The following RNF144B variants were observed in gnomAD, a reference collection of about 807,000 sequenced individuals.
The protein encoded by RNF144B is ring finger protein 144B, also known as E3 ubiquitin-protein ligase RNF144B.
RNF144B carries 25 observed loss-of-function variants against 40.2 expected under a neutral mutation model. That is an observed-to-expected ratio of 0.62 (90% CI 0.45 to 0.87). The LOEUF is 0.87. RNF144B is among the 40% of genes least tolerant of loss of function. RNF144B has a pLI of 0.00. For missense variants in RNF144B, 365 were observed against 373.7 expected (o/e 0.98, Z 0.19); for synonymous variants, 145 against 136.3 (o/e 1.06, Z -0.44).
At chr6:18,433,350 G>A (rs1248649704) in intron 3 of RNF144B, among the ~76,000 whole-genome samples, 1 of 152,208 alleles carries the variant, frequency 6.6e-6, no homozygotes, top group Non-Finnish European at 1.5e-5. Flanking sequence ...CGCCAAGCCA[G>A]AGTTAATAGA....
At chr6:18,392,194 C>G (rs534490391) in intron 1 of RNF144B, among the ~76,000 whole-genome samples, 4 of 151,962 alleles carry the variant, frequency 2.6e-5, no homozygotes, top group African/African-American at 9.6e-5. Context: ...GGCGACAGAG[C>G]GAGACTCCGT....
At chr6:18,462,556 G>A (rs1328026162) in intron 6 of RNF144B, among the ~76,000 whole-genome samples, 2 of 152,034 alleles carry the variant, frequency 1.3e-5, no homozygotes, top group African/African-American at 2.4e-5. Context: ...CATGTACACC[G>A]ATGCCCAGTT....
chr6:18,427,453 T>C, intron 2 of RNF144B, 128 bp from the exon 3 acceptor site: 7 of 589,052 alleles, frequency 1.2e-5, no homozygotes, highest in Non-Finnish European at 2.1e-5. Context: ...TTGTGATAAC[T>C]TATGTTTCTT....
At position 18,439,709 on chromosome 6, in the gene RNF144B, A is replaced by G; in HGVS notation, c.296A>G (p.Gln99Arg). ...AEIACLVPVD[Q>R]FQLYQRLKFE... Reference sequence around the variant, plus strand: ...ATTGCCTGTTTGGTACCTGTGGACCAGTTTCAACTTTATCAGAGGTTAAAA... The same window carrying G: ...ATTGCCTGTTTGGTACCTGTGGACCGGTTTCAACTTTATCAGAGGTTAAAA... The change falls in exon 4 of 8, where the codon CAG (glutamine) becomes CGG (arginine). Residue 99 changes from glutamine (Q) to arginine (R), a missense_variant. Coordinates refer to ENST00000259939, the MANE Select transcript of RNF144B (RefSeq NM_182757.4). 1 of 1,612,830 alleles carries G rather than the reference A, an allele frequency of 6.2e-7. No individual in the cohort carries two copies.
intron 3 of RNF144B, among the ~76,000 whole-genome samples, chr6:18,433,233 G>A (rs1210507876): frequency 6.6e-6 from 1 of 152,172 alleles, no homozygotes; most frequent in Non-Finnish European, 1.5e-5. Flanking sequence ...TTACTGTGGT[G>A]TAAGGATCTG....
rs758185930 is a variant in RNF144B at position 18,457,285 on chromosome 6, G to A, written c.462G>A (p.Ser154=). The part of the protein sequence containing the change: ...ECPSCHLKFC[S]CCKDAWHAEV... ...CTTCTTGCCACCTGAAATTCTGCTC[G>A]TGTTGCAAGGATGCTTGGCATGCAG... Residue 154 remains serine, a synonymous_variant, in exon 5 of 8, where the codon TCG becomes TCA. Coordinates refer to ENST00000259939, the MANE Select transcript of RNF144B (RefSeq NM_182757.4). The surrounding 1 kb of genome is among the most constrained non-coding windows in gnomAD (Gnocchi z 5.1). The A allele has an allele frequency of 1.5e-5, 25 of 1,614,148 alleles. No individual in the cohort carries two copies. The highest frequency in any genetic ancestry group is 2.2e-5 in the East Asian group (1 of 44,880).
rs113541725 is a variant in RNF144B at position 18,446,198 on chromosome 6, A to G, written c.331+6454A>G. Among the ~76,000 whole-genome samples the G allele has an allele frequency of 2.6e-5, 4 of 152,364 alleles. No individual in the cohort carries two copies. Among genetic ancestry groups the G allele is most frequent in the African/African-American group, 7.2e-5 (3 of 41,590 alleles). ...TTCTACTAAACCTGGCCTCTAGGCC[A>G]TGTGTATAATCTGTTACATGAGGTA... On this transcript the variant is annotated intron_variant, in intron 4 of 7. Transcript: ENST00000259939. This position sits in a 1 kb window ranked among gnomAD's most constrained non-coding sequence, Gnocchi z 4.7.
chr6:18,454,352 C>G (rs1014165933), intron 4 of RNF144B, among the ~76,000 whole-genome samples: 1 of 152,124 alleles, frequency 6.6e-6, no homozygotes, highest in Admixed American at 6.5e-5. Flanking sequence ...AAGGAAGGTT[C>G]AAGGGGGTTG....
Position 18,443,419 on chromosome 6 carries a change from C to T in RNF144B, c.331+3675C>T, listed in dbSNP as rs1374628856. Among the ~76,000 whole-genome samples the T allele has an allele frequency of 2.0e-5, 3 of 152,002 alleles. No individual in the cohort carries two copies. The highest frequency in any genetic ancestry group is 2.9e-5 in the Non-Finnish European group (2 of 67,994). On this transcript the variant is annotated intron_variant, in intron 4 of 7. Coordinates refer to ENST00000259939, the MANE Select transcript of RNF144B (RefSeq NM_182757.4). The surrounding 1 kb of genome is among the most constrained non-coding windows in gnomAD (Gnocchi z 4.7). ...ATGGGATTACAGGTGCCTGCCACCA[C>T]ACTTGGCTAATTTCATATTTTAGTA...
chr6:18,396,454 T>G (rs1219187004), intron 1 of RNF144B: 26 of 983,840 alleles, frequency 2.6e-5, no homozygotes, highest in Non-Finnish European at 3.1e-5. Context: ...ATACTTGGAT[T>G]TCTCGAAGAG....
At chr6:18,454,676 C>T (rs561675246) in intron 4 of RNF144B, among the ~76,000 whole-genome samples, 14 of 152,254 alleles carry the variant, frequency 9.2e-5, no homozygotes, top group Middle Eastern at 3.4e-3. Flanking sequence ...AGCTGCACTG[C>T]GCCATAGCTG....
In RNF144B at chr6:18,450,304, G is replaced by T. The variant is rs9371059; in HGVS notation, c.332-6851G>T. Among the ~76,000 whole-genome samples, 1 of 146,362 alleles carries T rather than the reference G, an allele frequency of 6.8e-6. No individual in the cohort carries two copies. Among genetic ancestry groups the T allele is most frequent in the African/African-American group, 2.5e-5 (1 of 40,082 alleles). ...CAACTCTGATTTGTAGTGCTTGCCA[G>T]TTTTTTTTTTTTAGATGGAGTCTTG... On this transcript the variant is annotated intron_variant, in intron 4 of 7. Coordinates refer to ENST00000259939, the MANE Select transcript of RNF144B (RefSeq NM_182757.4). This position sits in a 1 kb window ranked among gnomAD's most constrained non-coding sequence, Gnocchi z 4.7.
intron 4 of RNF144B, among the ~76,000 whole-genome samples, chr6:18,453,474 A>G (rs1759260041): frequency 2.6e-5 from 4 of 151,886 alleles, no homozygotes; most frequent in African/African-American, 2.4e-5. Flanking sequence ...TACACTTAAC[A>G]TTATATCTTA....
intron 6 of RNF144B, among the ~76,000 whole-genome samples, chr6:18,462,318 T>C (rs1759472692): frequency 6.6e-6 from 1 of 152,224 alleles, no homozygotes; most frequent in Non-Finnish European, 1.5e-5. Context: ...CCAATAGTAC[T>C]TGTTTTTAGC....
In RNF144B at chr6:18,422,617, C is replaced by T. The variant is rs142237072; in HGVS notation, c.166-4964C>T. On this transcript the variant is annotated intron_variant, in intron 2 of 7. Transcript: ENST00000259939. The surrounding 1 kb of genome is among the most constrained non-coding windows in gnomAD (Gnocchi z 4.7). ...GACAAGTCCTCCTTTGACCACAGGA[C>T]CCCAGCGCCTGCATCCAGAAGCATC... Among the ~76,000 whole-genome samples the T allele has an allele frequency of 1.9e-3, 289 of 152,256 alleles. No individual in the cohort carries two copies. Among genetic ancestry groups the T allele is most frequent in the African/African-American group, 6.8e-3 (282 of 41,554 alleles).
At position 18,399,626 on chromosome 6, in the gene RNF144B, A is replaced by C. The variant is rs1371675887; in HGVS notation, c.92A>C (p.Lys31Thr). Residue 31 changes from lysine (K) to threonine (T), a missense_variant, in exon 2 of 8, where the codon AAA (lysine) becomes ACA (threonine). By Grantham distance (78) the Lys-to-Thr change is moderately conservative (BLOSUM62 -1). Coordinates refer to ENST00000259939, the MANE Select transcript of RNF144B (RefSeq NM_182757.4). ...DLAPAPLITC[K>T]LCLCEQSLDK... is the part of the protein sequence containing the mutation. ...GCTCCGGCCCCCCTCATCACTTGCA[A>C]ACTCTGCCTGTGTGAGCAGTCTCTG... 7 of 1,613,992 alleles carry C rather than the reference A, an allele frequency of 4.3e-6. No homozygotes were observed. The highest frequency in any genetic ancestry group is 5.9e-6 in the Non-Finnish European group (7 of 1,180,014).
chr6:18,463,468 C>T lies in RNF144B; in HGVS notation c.771+88C>T, dbSNP rs568938177. ...TCTTCGCCTTTCCTCATTATTCCCT[C>T]CTGGGAGGTACCATCCCAGCCTGGG... On this transcript the variant is annotated intron_variant, in intron 7 of 7. Coordinates refer to ENST00000259939, the MANE Select transcript of RNF144B (RefSeq NM_182757.4). 1.3e-4 allele frequency: 103 copies of T among 808,600 alleles called. No homozygotes were observed. The African/African-American group carries it at 1.6e-3, about 13-fold the overall frequency. The allele number at this position is 808,600 out of a possible 1,614,324, so 50.1% of individuals were successfully genotyped here.
At position 18,467,110 on chromosome 6, in the gene RNF144B, A is replaced by C. The variant is rs1759586402; in HGVS notation, c.*2043A>C. ...GTAGCCCACTGCCTCATTATAGGTAAAAGGCATTTATAACTGCTCAGGGGA... is the reference window on the plus strand; with the variant it reads ...GTAGCCCACTGCCTCATTATAGGTACAAGGCATTTATAACTGCTCAGGGGA... On this transcript the variant is annotated 3_prime_UTR_variant, in exon 8 of 8. Coordinates refer to ENST00000259939, the MANE Select transcript of RNF144B (RefSeq NM_182757.4). 6.6e-6 allele frequency: 1 copy of C among 152,656 alleles called. No homozygotes were observed. 9.5% of individuals were successfully genotyped at this position (152,656 alleles called of 1,614,324 possible). A position where few individuals can be genotyped will look rare whatever the true frequency, so the allele number is the denominator to read the frequency against.
rs1759622815 is a variant in RNF144B at position 18,468,637 on chromosome 6, TATAG to T, written c.*3572_*3575del. 6.6e-6 allele frequency: 1 copy of T among 152,226 alleles called. No homozygotes were observed. The highest frequency in any genetic ancestry group is 1.9e-4 in the East Asian group (1 of 5,198). The allele number at this position is 152,226 out of a possible 1,614,324, so 9.4% of individuals were successfully genotyped here. A position where few individuals can be genotyped will look rare whatever the true frequency, so the allele number is the denominator to read the frequency against. On this transcript the variant is annotated 3_prime_UTR_variant, in exon 8 of 8. Coordinates refer to ENST00000259939, the MANE Select transcript of RNF144B (RefSeq NM_182757.4). Reference sequence around the variant, plus strand: ...TTCATGAATGGATGCCTTTATGTGATATAGAGTCATGTGTGTATGTGTAGCTTTA... The same window carrying T: ...TTCATGAATGGATGCCTTTATGTGATAGTCATGTGTGTATGTGTAGCTTTA...
Sources: allele counts gnomAD v4.1 joint callset (sites outside exome capture counted in the v4.1 genomes callset), GRCh38; gene constraint gnomAD v4.1.1; non-coding constraint Gnocchi (gnomAD v3.1); transcripts MANE v1.5; gene names NCBI Gene and HGNC (gene_info 2026-07-23, HGNC 2026-07-21).